PLD1: variants seen among roughly 807,000 people sequenced by gnomAD.
The protein encoded by PLD1 is phospholipase D1, also known as choline phosphatase 1.
A neutral mutation model predicts 137.1 loss-of-function variants in PLD1; 112 were observed. That is an observed-to-expected ratio of 0.82 (90% confidence interval 0.70 to 0.96). The LOEUF (loss-of-function observed/expected upper bound fraction) is 0.96, where lower values mean the gene tolerates loss of function less well. Ranked by LOEUF, PLD1 falls within the 40% of genes least tolerant of loss-of-function variation. The probability of loss-of-function intolerance (pLI) is 0.00; values close to 1 mark genes in which losing one functional copy is unlikely to be tolerated. For synonymous variants in PLD1, 431 were observed against 454.7 expected (o/e 0.95, Z 0.66); for missense variants, 1,321 against 1,342.0 (o/e 0.98, Z 0.24).
intron 19 of PLD1, among the ~76,000 whole-genome samples, chr3:171,670,164 G>A (rs73040122): frequency 1.8e-3 from 176 of 96,568 alleles, no homozygotes; most frequent in African/African-American, 6.8e-3. Context: ...GATAAAGAGA[G>A]GATGGTTAAT....
At chr3:171,677,289 C>T (rs1713474571) in intron 17 of PLD1, among the ~76,000 whole-genome samples, 1 of 152,108 alleles carries the variant, frequency 6.6e-6, no homozygotes, top group Admixed American at 6.5e-5. Context: ...CTACCATTTC[C>T]TGAAAAATTA....
At chr3:171,698,538 G>T (rs1715957025) in intron 12 of PLD1, among the ~76,000 whole-genome samples, 1 of 152,154 alleles carries the variant, frequency 6.6e-6, no homozygotes, top group Non-Finnish European at 1.5e-5. Flanking sequence ...GAAAGTGAAT[G>T]GGGAAATAAA....
At chr3:171,648,306 T>C (rs1169402408) in intron 21 of PLD1, among the ~76,000 whole-genome samples, 2 of 152,178 alleles carry the variant, frequency 1.3e-5, no homozygotes, top group African/African-American at 2.4e-5. Context: ...GAGTAACATA[T>C]GCTCATAGTA....
At chr3:171,730,362 G>A (rs1417876115) in intron 6 of PLD1, among the ~76,000 whole-genome samples, 1 of 151,602 alleles carries the variant, frequency 6.6e-6, no homozygotes, top group Non-Finnish European at 1.5e-5. Context: ...TGAGGCAACT[G>A]TCTGATCATG....
intron 11 of PLD1, among the ~76,000 whole-genome samples, chr3:171,705,839 G>A (rs898996384): frequency 6.6e-6 from 1 of 152,126 alleles, no homozygotes; most frequent in Admixed American, 6.5e-5. Context: ...TTCTAAGATA[G>A]GTGTCAACAA....
intron 6 of PLD1, among the ~76,000 whole-genome samples, chr3:171,728,765 G>A (rs987826406): frequency 1.3e-5 from 2 of 152,132 alleles, no homozygotes; most frequent in African/African-American, 4.8e-5. Flanking sequence ...AACTTTTGGA[G>A]TATATCATAA....
In PLD1 at chr3:171,716,344, C is replaced by T. The variant is rs143976243; in HGVS notation, c.759-2299G>A. The stretch of plus-strand genomic sequence containing the variant: ...TTTCCACAATGGCTGAACTAATTTA[C>T]GCTCCAACCAGCAGCATATAAGCAT... On this transcript the variant is annotated intron_variant, in intron 8 of 26. Coordinates refer to ENST00000351298, the MANE Select transcript of PLD1 (RefSeq NM_002662.5). 2.3e-3 allele frequency among the ~76,000 whole-genome samples: 353 copies of T among 152,304 alleles called. 3 individuals are homozygous for T. Among genetic ancestry groups the T allele is most frequent in the African/African-American group, 8.1e-3 (335 of 41,554 alleles).
chr3:171,764,953 A>G (rs56227938), intron 1 of PLD1, among the ~76,000 whole-genome samples: 2,663 of 54,858 alleles, frequency 0.049, 436 homozygotes, highest in Admixed American at 0.064. Flanking sequence ...AAAGAAAGAA[A>G]GAAAGAAAGA....
intron 1 of PLD1, among the ~76,000 whole-genome samples, chr3:171,762,528 G>A (rs1489173402): frequency 6.6e-6 from 1 of 152,198 alleles, no homozygotes; most frequent in Non-Finnish European, 1.5e-5. Context: ...GTGAACAGAA[G>A]TGTAGCGGGG....
intron 16 of PLD1, among the ~76,000 whole-genome samples, chr3:171,679,695 C>T (rs1228836743): frequency 6.6e-6 from 1 of 152,220 alleles, no homozygotes; most frequent in Non-Finnish European, 1.5e-5. Context: ...AGGAAATTAT[C>T]TTGGTACTAA....
intron 1 of PLD1, among the ~76,000 whole-genome samples, chr3:171,799,711 G>A (rs1437742373): frequency 1.3e-5 from 2 of 152,170 alleles, no homozygotes; most frequent in Non-Finnish European, 2.9e-5. Flanking sequence ...TGATCAAAGT[G>A]GACATCACCA....
At chr3:171,788,153 C>G (rs1184880902) in intron 1 of PLD1, among the ~76,000 whole-genome samples, 1 of 149,486 alleles carries the variant, frequency 6.7e-6, no homozygotes, top group Non-Finnish European at 1.5e-5. Flanking sequence ...GAGATCGCGT[C>G]ATTGCACTCC....
chr3:171,744,735 A>G (rs1720024603), intron 1 of PLD1, among the ~76,000 whole-genome samples: 1 of 152,264 alleles, frequency 6.6e-6, no homozygotes, highest in South Asian at 2.1e-4. Flanking sequence ...CATAGCTCTT[A>G]AAATTTCCAC....
rs376804256 is a variant in PLD1, at chr3:171,713,963, C to T, written c.841G>A (p.Glu281Lys). Residue 281 changes from glutamate (E) to lysine (K), a missense_variant, in exon 9 of 27, where the codon GAA becomes AAA. Coordinates refer to ENST00000351298, the MANE Select transcript of PLD1 (RefSeq NM_002662.5). ...TTCTTCCCCACCTTAATTTTGAATT[C>T]TTTGTCTACCAGCAGGACGAAGGCA... is the stretch of plus-strand genomic sequence containing the variant. ...AIAFVLLVDK[E>K]FKIKVGKKET... 38 of 1,612,160 alleles carry T rather than the reference C, an allele frequency of 2.4e-5. No homozygotes were observed. Among genetic ancestry groups the T allele is most frequent in the Non-Finnish European group, 3.1e-5 (37 of 1,178,348 alleles).
Position 171,642,876 on chromosome 3 carries a change from C to T in PLD1, c.2557G>A (p.Gly853Arg), listed in dbSNP as rs374756945. The T allele has an allele frequency of 6.3e-7, 1 of 1,585,490 alleles. No individual in the cohort carries two copies. Among genetic ancestry groups the T allele is most frequent in the African/African-American group, 1.4e-5 (1 of 73,892 alleles). ...MHFNYRTMCR[G>R]ENSILGQLKA... Reference sequence around the variant, plus strand: ...AACTGTCCAAGGATGGAATTTTCTCCTCTGCACATGGTTCTGAAAATATGT... The same window carrying T: ...AACTGTCCAAGGATGGAATTTTCTCTTCTGCACATGGTTCTGAAAATATGT... The change falls in exon 23 of 27, where the codon GGA (glycine) becomes AGA (arginine). Residue 853 changes from glycine (G) to arginine (R), a missense_variant. Gly to Arg is a moderately radical substitution (Grantham distance 125). Coordinates refer to ENST00000351298, the MANE Select transcript of PLD1 (RefSeq NM_002662.5).
At chr3:171,702,539 T>A (rs1223258530) in intron 11 of PLD1, among the ~76,000 whole-genome samples, 1 of 151,472 alleles carries the variant, frequency 6.6e-6, no homozygotes, top group African/African-American at 2.4e-5. Flanking sequence ...CCTAGAGGCA[T>A]TATAATTATA....
intron 16 of PLD1, among the ~76,000 whole-genome samples, chr3:171,682,787 A>G (rs1714145417): frequency 6.6e-6 from 1 of 152,182 alleles, no homozygotes; most frequent in Non-Finnish European, 1.5e-5. Context: ...ACCTACTTCA[A>G]TGTTCTCCTC....
intron 23 of PLD1, among the ~76,000 whole-genome samples, chr3:171,621,616 T>C (rs1453349204): frequency 6.6e-6 from 1 of 152,210 alleles, no homozygotes; most frequent in Non-Finnish European, 1.5e-5. Flanking sequence ...CATTTAGAGA[T>C]AGCTCTCCCC....
At chr3:171,782,370 C>T (rs530229565) in intron 1 of PLD1, among the ~76,000 whole-genome samples, 22 of 152,224 alleles carry the variant, frequency 1.4e-4, no homozygotes, top group African/African-American at 5.3e-4. Flanking sequence ...GAATGGTACA[C>T]TAAAGATTTG....
Sources: allele counts gnomAD v4.1 joint callset (sites outside exome capture counted in the v4.1 genomes callset), GRCh38; gene constraint gnomAD v4.1.1; transcripts MANE v1.5; gene names NCBI Gene and HGNC (gene_info 2026-07-23, HGNC 2026-07-21).